ABLIM1: variants seen among roughly 807,000 people sequenced by gnomAD.
ABLIM1 encodes the protein actin-binding LIM protein 1.
ABLIM1 carries 40 observed loss-of-function variants against 107.0 expected under a neutral mutation model. That is an observed-to-expected ratio of 0.37 (90% CI 0.29 to 0.49). ABLIM1 has a LOEUF of 0.49. Ranked by LOEUF, ABLIM1 falls within the 20% of genes least tolerant of loss-of-function variation. The pLI, the probability that ABLIM1 is intolerant of heterozygous loss-of-function variation, is 0.97. For missense variants in ABLIM1, 857 were observed against 1,008.5 expected, an observed-to-expected ratio of 0.85 and a Z score of 2.04; for synonymous variants, 357 against 357.3, an observed-to-expected ratio of 1.00 and a Z score of 0.01.
At chr10:114,590,526 T>C (rs75469906) in intron 2 of ABLIM1, among the ~76,000 whole-genome samples, 4,317 of 152,304 alleles carry the variant, frequency 0.028, 194 homozygotes, top group African/African-American at 0.099. Context: ...ATACTTGATA[T>C]CTACTGAGGT....
At chr10:114,497,286 C>T (rs1406116495) in intron 6 of ABLIM1, among the ~76,000 whole-genome samples, 1 of 152,342 alleles carries the variant, frequency 6.6e-6, no homozygotes, top group East Asian at 1.9e-4. Flanking sequence ...GCCGTCCTGC[C>T]TGAGCCTGAG....
chr10:114,642,763 C>T (rs2078809426), intron 1 of ABLIM1, among the ~76,000 whole-genome samples: 1 of 152,132 alleles, frequency 6.6e-6, no homozygotes, highest in Non-Finnish European at 1.5e-5. Context: ...CTTCGAACTC[C>T]AAAAGATATC....
Position 114,748,112 on chromosome 10 carries a change from G to C in ABLIM1, c.-213+19949C>G, listed in dbSNP as rs576289769. Among the ~76,000 whole-genome samples the C allele has an allele frequency of 2.0e-5, 3 of 151,426 alleles. No homozygotes were observed. In the South Asian group the frequency reaches 6.3e-4, roughly 32 times the overall value. On this transcript the variant is annotated intron_variant, in intron 1 of 15. Coordinates refer to the ABLIM1 transcript ENST00000651092. ...GAATTACTGAACCACCAAATGGATGGGAAAAAAATCACAAACCATAAGAAC... is the reference window on the plus strand; with the variant it reads ...GAATTACTGAACCACCAAATGGATGCGAAAAAAATCACAAACCATAAGAAC...
intron 12 of ABLIM1, among the ~76,000 whole-genome samples, chr10:114,457,686 C>T (rs1404348991): frequency 6.6e-6 from 1 of 152,206 alleles, no homozygotes; most frequent in Non-Finnish European, 1.5e-5. Context: ...ATGTGTGACA[C>T]ACCAGATGAA....
intron 6 of ABLIM1, among the ~76,000 whole-genome samples, chr10:114,495,620 G>GTGCTGCTGC (rs554585306): frequency 1.3e-5 from 2 of 151,834 alleles, no homozygotes; most frequent in Non-Finnish European, 2.9e-5. Context: ...GGTGATGACG[G>GTGCTGCTGC]TGCTGCTGCT....
chr10:114,616,470 A>G (rs925956821), intron 1 of ABLIM1, among the ~76,000 whole-genome samples: 1 of 152,262 alleles, frequency 6.6e-6, no homozygotes, highest in Admixed American at 6.5e-5. Flanking sequence ...GGATCTGGGC[A>G]CTGAAAATCC....
In ABLIM1 at chr10:114,619,087, G is replaced by A. The variant is rs575378368; in HGVS notation, c.245-17126C>T. ...AAGGAATGGTTAAACCTTTCCTGCT[G>A]CATGGAAGGCCTGCTGACAACTCAC... On this transcript the variant is annotated intron_variant, in intron 1 of 22. Transcript: ENST00000533213. The surrounding 1 kb of genome is among the most constrained non-coding windows in gnomAD (Gnocchi z 4.1). 1.3e-5 allele frequency among the ~76,000 whole-genome samples: 2 copies of A among 152,242 alleles called. No individual in the cohort carries two copies. Among genetic ancestry groups the A allele is most frequent in the Non-Finnish European group, 1.5e-5 (1 of 68,022 alleles).
chr10:114,626,476 A>G (rs556457417), intron 1 of ABLIM1, among the ~76,000 whole-genome samples: 2 of 152,248 alleles, frequency 1.3e-5, no homozygotes, highest in South Asian at 2.1e-4. Flanking sequence ...TGGACTACTC[A>G]CTTCTGATCA....
At chr10:114,762,324 T>G (rs2082766759) in intron 1 of ABLIM1, among the ~76,000 whole-genome samples, 1 of 152,172 alleles carries the variant, frequency 6.6e-6, no homozygotes, top group Non-Finnish European at 1.5e-5. Context: ...TGAGCCACTG[T>G]GCCCGGCCAG....
rs879484761 is a variant in ABLIM1 at position 114,437,863 on chromosome 10, A to G, written c.2204T>C (p.Val735Ala). The change falls in exon 22 of 23, where the codon GTG becomes GCG. Residue 735 changes from valine to alanine, a missense_variant. Val to Ala is a moderately conservative substitution (Grantham distance 64). This residue lies in a region of ABLIM1 where 193 missense variants were observed against 208.5 expected (regional missense o/e 0.93). Transcript: ENST00000533213. ...TTTTACCTCCAGCCTGGTTCTGTCC[A>G]CCTCTCTGAGGATTTTGTTTCGCCC... ...NRGRNKILRE[V>A]DRTRLERHLA... is the part of the protein sequence containing the mutation. The G allele has an allele frequency of 1.5e-5, 24 of 1,613,712 alleles. No individual in the cohort carries two copies. Among genetic ancestry groups the G allele is most frequent in the Admixed American group, 1.7e-5 (1 of 59,976 alleles).
At chr10:114,720,480 T>C (rs2081815359) in intron 1 of ABLIM1, among the ~76,000 whole-genome samples, 1 of 152,204 alleles carries the variant, frequency 6.6e-6, no homozygotes, top group African/African-American at 2.4e-5. Context: ...ACTAATTTAC[T>C]TTCCCAACAA....
At chr10:114,745,553 C>A (rs1013251254) in intron 1 of ABLIM1, among the ~76,000 whole-genome samples, 5 of 152,126 alleles carry the variant, frequency 3.3e-5, no homozygotes, top group African/African-American at 1.2e-4. Flanking sequence ...CAGAGCAAGA[C>A]TCTGTCTCTA....
At chr10:114,779,686 T>C in the ABLIM1 span, 1 of 152,240 alleles carries the variant, frequency 6.6e-6, no homozygotes, top group African/African-American at 2.4e-5. Flanking sequence ...TGCATATTGA[T>C]CTATTTTATT....
At chr10:114,477,263 T>G (rs928733501) in intron 8 of ABLIM1, among the ~76,000 whole-genome samples, 1 of 152,214 alleles carries the variant, frequency 6.6e-6, no homozygotes, top group Non-Finnish European at 1.5e-5. Flanking sequence ...CAGAAAAGAA[T>G]GCTTGCTAAC....
intron 1 of ABLIM1, among the ~76,000 whole-genome samples, chr10:114,653,221 G>A (rs1436438198): frequency 6.6e-6 from 1 of 152,196 alleles, no homozygotes; most frequent in Non-Finnish European, 1.5e-5. Context: ...GAGTCATTGA[G>A]AATATCAAAC....
chr10:114,655,173 A>T (rs2079442118), intron 1 of ABLIM1, among the ~76,000 whole-genome samples: 1 of 152,224 alleles, frequency 6.6e-6, no homozygotes, highest in Non-Finnish European at 1.5e-5. Context: ...TTTAGTGAGT[A>T]GAAGAGCTGG....
chr10:114,641,676 G>A (rs974828591), intron 1 of ABLIM1, among the ~76,000 whole-genome samples: 2 of 152,144 alleles, frequency 1.3e-5, no homozygotes, highest in African/African-American at 4.8e-5. Context: ...AAGAGAATAA[G>A]CCGTGTAGAT....
intron 2 of ABLIM1, among the ~76,000 whole-genome samples, chr10:114,583,046 A>G (rs1370887058): frequency 6.6e-6 from 1 of 152,168 alleles, no homozygotes; most frequent in African/African-American, 2.4e-5. Context: ...TCTGCACAGC[A>G]AAACAAACTA....
In ABLIM1 at chr10:114,699,459, T is replaced by C. The variant is rs572748035; in HGVS notation, c.-213+68602A>G. On this transcript the variant is annotated intron_variant, in intron 1 of 15. Coordinates refer to the ABLIM1 transcript ENST00000651092. The stretch of plus-strand genomic sequence containing the variant: ...AAGCATAAAAGTTAGATTTAAAATA[T>C]ATAAACCTTGACAATGTAAAAGTAA... 3.3e-5 allele frequency among the ~76,000 whole-genome samples: 5 copies of C among 152,182 alleles called. No individual in the cohort carries two copies. In the East Asian group the frequency reaches 9.7e-4, roughly 30 times the overall value.
Sources: gnomAD v4.1 joint callset for allele counts (sites outside exome capture counted in the v4.1 genomes callset) on GRCh38, gnomAD v4.1.1 for gene constraint, gnomAD v4.1.1 regional missense constraint, Gnocchi (gnomAD v3.1) non-coding constraint, MANE v1.5 for transcripts, NCBI Gene and HGNC (gene_info 2026-07-23, HGNC 2026-07-21) for gene names.